EIF4E: variants seen among roughly 807,000 people sequenced by gnomAD.
The protein encoded by EIF4E is eukaryotic translation initiation factor 4E.
For synonymous variants in EIF4E, 71 were observed against 88.5 expected (o/e 0.80, Z 1.11); for missense variants, 113 against 265.6 (o/e 0.43, Z 3.99).
intron 3 of EIF4E, among the ~76,000 whole-genome samples, chr4:98,889,743 T>G (rs893162954): frequency 2.6e-5 from 4 of 152,188 alleles, no homozygotes; most frequent in African/African-American, 9.6e-5. Flanking sequence ...TTATGTAAAC[T>G]GGTAAAAGCC....
At chr4:98,912,006 G>A (rs1435993070) in intron 1 of EIF4E, among the ~76,000 whole-genome samples, 1 of 151,740 alleles carries the variant, frequency 6.6e-6, no homozygotes, top group Non-Finnish European at 1.5e-5. Context: ...TATAATCCCA[G>A]CACTTTGGGA....
intron 6 of EIF4E, among the ~76,000 whole-genome samples, chr4:98,881,388 G>C (rs1024417404): frequency 1.3e-5 from 2 of 151,884 alleles, no homozygotes; most frequent in African/African-American, 2.4e-5. Context: ...AATTACAGGA[G>C]CATTACTATA....
At chr4:98,912,764 C>A (rs896682942) in intron 1 of EIF4E, among the ~76,000 whole-genome samples, 1 of 152,094 alleles carries the variant, frequency 6.6e-6, no homozygotes, top group Non-Finnish European at 1.5e-5. Context: ...AAAGGCAAAT[C>A]TTTTAAAGAA....
At chr4:98,899,856 A>T (rs1724574352) in intron 2 of EIF4E, among the ~76,000 whole-genome samples, 1 of 152,178 alleles carries the variant, frequency 6.6e-6, no homozygotes, top group South Asian at 2.1e-4. Flanking sequence ...AAAATGCAAG[A>T]AGTAAATAAT....
At chr4:98,884,709 A>T (rs1203685619) in intron 6 of EIF4E, among the ~76,000 whole-genome samples, 1 of 151,458 alleles carries the variant, frequency 6.6e-6, no homozygotes, top group Non-Finnish European at 1.5e-5. Context: ...CTCTATCTCT[A>T]AATAAATAAA....
chr4:98,904,639 C>T (rs543479748), intron 1 of EIF4E, among the ~76,000 whole-genome samples: 3 of 152,202 alleles, frequency 2.0e-5, no homozygotes, highest in Admixed American at 6.5e-5. Flanking sequence ...GGCGTGGTAG[C>T]ACGCGCCTGT....
chr4:98,886,689 C>T (rs961688935), intron 5 of EIF4E: 2 of 339,232 alleles, frequency 5.9e-6, no homozygotes, highest in Non-Finnish European at 1.1e-5. Flanking sequence ...GCACTCCAGC[C>T]TGGGCAACAG....
At chr4:98,888,696 T>C (rs554491655) in intron 3 of EIF4E, among the ~76,000 whole-genome samples, 4 of 152,296 alleles carry the variant, frequency 2.6e-5, no homozygotes, top group African/African-American at 9.6e-5. Flanking sequence ...CTGTAGTCTT[T>C]TACAGCAAAA....
intron 5 of EIF4E, 149 bp from the exon 6 acceptor site, chr4:98,885,210 G>C (rs928598070): frequency 1.0e-6 from 1 of 988,724 alleles, no homozygotes; most frequent in Non-Finnish European, 1.5e-6. Context: ...TGCATATATT[G>C]ATCTGTCCTG....
chr4:98,902,031 A>G (rs772038707), intron 1 of EIF4E, 49 bp from the exon 2 acceptor site: 39 of 1,518,420 alleles, frequency 2.6e-5, no homozygotes, highest in Non-Finnish European at 3.5e-5. Flanking sequence ...TAACACATCT[A>G]TGACAGCAAT....
intron 5 of EIF4E, among the ~76,000 whole-genome samples, chr4:98,885,506 G>A (rs1723881527): frequency 6.6e-6 from 1 of 152,102 alleles, no homozygotes; most frequent in Non-Finnish European, 1.5e-5. Context: ...GGAGTGCAGT[G>A]GGATCATCAC....
chr4:98,917,131 CACAAAA>C (rs559547019), intron 1 of EIF4E, among the ~76,000 whole-genome samples: 7,378 of 52,504 alleles, frequency 0.14, 625 homozygotes, highest in East Asian at 0.52. Context: ...CACACACACA[CACAAAA>C]AAAACCCAAA....
rs1210445373 is a variant in EIF4E, at chr4:98,887,407, A to C, written c.286-215T>G. ...TGGCTTTGTCACTTATTAGCTATCA[A>C]ATCTTGGGTTTCACTTAATTTGAAG... is the stretch of plus-strand genomic sequence containing the variant. On this transcript the variant is annotated intron_variant, in intron 4 of 6. Coordinates refer to ENST00000450253, the MANE Select transcript of EIF4E (RefSeq NM_001968.5). The surrounding 1 kb of genome is among the most constrained non-coding windows in gnomAD (Gnocchi z 4.0). 6.6e-6 allele frequency among the ~76,000 whole-genome samples: 1 copy of C among 152,232 alleles called. No individual in the cohort carries two copies. The highest frequency in any genetic ancestry group is 1.5e-5 in the Non-Finnish European group (1 of 68,042).
At chr4:98,892,721 CTGA>C (rs1724207030) in intron 2 of EIF4E, among the ~76,000 whole-genome samples, 1 of 150,628 alleles carries the variant, frequency 6.6e-6, no homozygotes, top group South Asian at 2.1e-4. Flanking sequence ...AACAGGTTGG[CTGA>C]TATTTCTCAG....
chr4:98,893,744 T>G (rs999913731), intron 2 of EIF4E, among the ~76,000 whole-genome samples: 1 of 152,222 alleles, frequency 6.6e-6, no homozygotes, highest in Non-Finnish European at 1.5e-5. Flanking sequence ...GGAATCAAAT[T>G]CTTCCTAACT....
At chr4:98,888,064 T>C (rs886963910) in intron 3 of EIF4E, 112 bp from the exon 4 acceptor site, 1 of 927,860 alleles carries the variant, frequency 1.1e-6, no homozygotes, top group Non-Finnish European at 1.6e-6. Context: ...TAAAAGTTCA[T>C]GTTTACTTGT....
At chr4:98,918,339 C>A (rs1333712142) in intron 1 of EIF4E, among the ~76,000 whole-genome samples, 1 of 133,034 alleles carries the variant, frequency 7.5e-6, no homozygotes, top group African/African-American at 2.9e-5. Context: ...CCAGCCTAGG[C>A]AAGAGCAAAG....
chr4:98,887,319 T>C lies in EIF4E; in HGVS notation c.286-127A>G. The stretch of plus-strand genomic sequence containing the variant: ...TTATTGCCCATAAAACTGCCATTGA[T>C]GTAGTTTTTAAACAGCACATAAGAC... On this transcript the variant is annotated intron_variant, in intron 4 of 6. Transcript: ENST00000450253. The surrounding 1 kb of genome is among the most constrained non-coding windows in gnomAD (Gnocchi z 4.0). 1 of 988,572 alleles carries C rather than the reference T, an allele frequency of 1.0e-6. No individual in the cohort carries two copies. The highest frequency in any genetic ancestry group is 1.8e-5 in the Admixed American group (1 of 57,002). The allele number at this position is 988,572 out of a possible 1,614,324, so 61.2% of individuals were successfully genotyped here.
chr4:98,925,663 T>C (rs1372778865), intron 1 of EIF4E, among the ~76,000 whole-genome samples: 1 of 152,216 alleles, frequency 6.6e-6, no homozygotes, highest in Non-Finnish European at 1.5e-5. Context: ...TGATATTTTA[T>C]GTAATGTCCA....
Sources: allele counts gnomAD v4.1 joint callset (sites outside exome capture counted in the v4.1 genomes callset), GRCh38; gene constraint gnomAD v4.1.1; non-coding constraint Gnocchi (gnomAD v3.1); transcripts MANE v1.5; gene names NCBI Gene and HGNC (gene_info 2026-07-23, HGNC 2026-07-21).